ADK: variants seen among roughly 807,000 people sequenced by gnomAD.
ADK encodes N6,N6-dimethyladenosine kinase.
In ADK, 24 loss-of-function variants were observed where a neutral mutation model predicts 44.7. The ratio of observed to expected loss-of-function variants is 0.54; its 90% CI spans 0.39 to 0.76. The LOEUF (loss-of-function observed/expected upper bound fraction) is 0.76. Ranked by LOEUF, ADK falls within the 30% of genes least tolerant of loss-of-function variation. The probability of loss-of-function intolerance (pLI) is 0.00; values close to 1 mark genes in which losing one functional copy is unlikely to be tolerated. For missense variants in ADK, 321 were observed against 425.1 expected, an observed-to-expected ratio of 0.76 and a Z score of 2.15; for synonymous variants, 128 against 142.6, an observed-to-expected ratio of 0.90 and a Z score of 0.73.
intron 4 of ADK, among the ~76,000 whole-genome samples, chr10:74,357,993 A>G (rs1842202526): frequency 6.6e-6 from 1 of 152,226 alleles, no homozygotes; most frequent in African/African-American, 2.4e-5. Context: ...TAAAAACTCC[A>G]TTTAATAATG....
intron 9 of ADK, among the ~76,000 whole-genome samples, chr10:74,660,651 GC>G (rs1246388340): frequency 1.4e-5 from 2 of 147,858 alleles, no homozygotes; most frequent in African/African-American, 5.0e-5. Flanking sequence ...GATCACTTGA[GC>G]CAGGGAAGTT....
chr10:74,637,100 A>T (rs1853644611), intron 9 of ADK, among the ~76,000 whole-genome samples: 1 of 152,168 alleles, frequency 6.6e-6, no homozygotes, highest in African/African-American at 2.4e-5. Flanking sequence ...ATAATGATAA[A>T]CCCAATAGTA....
At chr10:74,247,224 G>GTTTTTTT (rs142274121) in intron 3 of ADK, among the ~76,000 whole-genome samples, 55 of 72,006 alleles carry the variant, frequency 7.6e-4, no homozygotes, top group East Asian at 1.4e-3. Flanking sequence ...TTTTTTTTAA[G>GTTTTTTT]TTTTTTTTTT....
chr10:74,552,069 TG>T (rs1850054168), intron 7 of ADK, among the ~76,000 whole-genome samples: 1 of 152,080 alleles, frequency 6.6e-6, no homozygotes, highest in South Asian at 2.1e-4. Context: ...AGTTCATAGT[TG>T]GTTGAATGTG....
At chr10:74,468,645 C>A (rs1012774368) in intron 6 of ADK, among the ~76,000 whole-genome samples, 2 of 152,116 alleles carry the variant, frequency 1.3e-5, no homozygotes, top group Non-Finnish European at 2.9e-5. Flanking sequence ...GCCTACAGTT[C>A]TCCTCTTCTG....
At chr10:74,601,158 C>A (rs944873859) in intron 9 of ADK, among the ~76,000 whole-genome samples, 3 of 151,674 alleles carry the variant, frequency 2.0e-5, no homozygotes, top group Non-Finnish European at 4.4e-5. Context: ...AAAATAGGAA[C>A]CTTAAAGATC....
chr10:74,255,080 G>T (rs1329814951), intron 3 of ADK, among the ~76,000 whole-genome samples: 1 of 152,082 alleles, frequency 6.6e-6, no homozygotes, highest in African/African-American at 2.4e-5. Context: ...GAGGAAAAAA[G>T]GACAGCTTTA....
At chr10:74,538,514 G>GT (rs1348623566) in intron 7 of ADK, among the ~76,000 whole-genome samples, 1 of 152,174 alleles carries the variant, frequency 6.6e-6, no homozygotes, top group Non-Finnish European at 1.5e-5. Context: ...TGTTGTGGTT[G>GT]TTTTTTGTTG....
At chr10:74,240,446 T>A (rs910497930) in intron 3 of ADK, among the ~76,000 whole-genome samples, 1 of 151,384 alleles carries the variant, frequency 6.6e-6, no homozygotes, top group African/African-American at 2.4e-5. Context: ...ATGCTGAAAT[T>A]TTCCCTTTAA....
chr10:74,533,828 T>G (rs1849369541), intron 7 of ADK, among the ~76,000 whole-genome samples: 2 of 152,176 alleles, frequency 1.3e-5, no homozygotes, highest in African/African-American at 4.8e-5. Flanking sequence ...CATACACAGG[T>G]GTTTATAGCA....
chr10:74,153,114 CTT>C (rs943585740), intron 1 of ADK, among the ~76,000 whole-genome samples: 11 of 152,134 alleles, frequency 7.2e-5, no homozygotes, highest in East Asian at 3.8e-4. Flanking sequence ...ATTATAAAGA[CTT>C]TGCATAATTT....
At chr10:74,344,395 T>G (rs1301959705) in intron 4 of ADK, among the ~76,000 whole-genome samples, 1 of 152,202 alleles carries the variant, frequency 6.6e-6, no homozygotes, top group Non-Finnish European at 1.5e-5. Context: ...TCCCGGTAAA[T>G]AGGAATAATC....
chr10:74,372,020 A>G (rs1372169765), intron 4 of ADK: 6 of 775,094 alleles, frequency 7.7e-6, no homozygotes, highest in African/African-American at 1.7e-5. Flanking sequence ...TTGCCATTCT[A>G]TGCAACAATA....
Position 74,595,397 on chromosome 10 carries a change from AGGGGGTT to A in ADK, c.763-4981_763-4975del, listed in dbSNP as rs1564810299. 3.3e-3 allele frequency among the ~76,000 whole-genome samples: 4 copies of A among 1,196 alleles called. 1 individual carries two copies. Among genetic ancestry groups the A allele is most frequent in the Non-Finnish European group, 4.2e-3 (2 of 480 alleles). 0.8% of individuals were successfully genotyped at this position (1,196 alleles called of 152,430 possible). ...TTTTTTTTTTTTTTTTTTTTTGGGGAGGGGGTTTGGCTTTGTCACGCCAGGCTGGAGT... is the reference window on the plus strand; with the variant it reads ...TTTTTTTTTTTTTTTTTTTTTGGGGATGGCTTTGTCACGCCAGGCTGGAGT... On this transcript the variant is annotated intron_variant, in intron 8 of 10. Coordinates refer to ENST00000539909, the MANE Select transcript of ADK (RefSeq NM_006721.4).
At chr10:74,453,986 T>TA (rs1446689497) in intron 6 of ADK, among the ~76,000 whole-genome samples, 1 of 152,168 alleles carries the variant, frequency 6.6e-6, no homozygotes, top group Non-Finnish European at 1.5e-5. Context: ...ATTAACATCT[T>TA]AAAGTTTTCT....
At chr10:74,388,781 T>C (rs1188326142) in intron 4 of ADK, among the ~76,000 whole-genome samples, 2 of 152,202 alleles carry the variant, frequency 1.3e-5, no homozygotes, top group Non-Finnish European at 2.9e-5. Flanking sequence ...CATATATTCC[T>C]TAAACATGCA....
At chr10:74,278,366 T>TAAAAA (rs56769018) in intron 3 of ADK, among the ~76,000 whole-genome samples, 2 of 113,920 alleles carry the variant, frequency 1.8e-5, no homozygotes, top group African/African-American at 3.2e-5. Flanking sequence ...AAAAAAAAAT[T>TAAAAA]AAAAAAAAAA....
intron 5 of ADK, among the ~76,000 whole-genome samples, chr10:74,396,591 A>G (rs1843517135): frequency 6.6e-6 from 1 of 152,188 alleles, no homozygotes. Flanking sequence ...TGGGTAATGC[A>G]GTATCTTTCT....
rs1554864802 is a variant in ADK at position 74,474,515 on chromosome 10, C to CCTTCCCTTTCTTTCCTTT, written c.556-50737_556-50720dup. 2.5e-4 allele frequency among the ~76,000 whole-genome samples: 38 copies of CCTTCCCTTTCTTTCCTTT among 150,270 alleles called. 1 individual carries two copies. Among genetic ancestry groups the CCTTCCCTTTCTTTCCTTT allele is most frequent in the Admixed American group, 2.5e-3 (37 of 14,962 alleles). Reference sequence around the variant, plus strand: ...CCTTTCCTCTCCTTTCCTTCCCTTCCCTTCCCTTTCTTTCCTTTCTTTCCT... The same window carrying CCTTCCCTTTCTTTCCTTT: ...CCTTTCCTCTCCTTTCCTTCCCTTCCCTTCCCTTTCTTTCCTTTCTTCCCTTTCTTTCCTTTCTTTCCT... On this transcript the variant is annotated intron_variant, in intron 6 of 10. Transcript: ENST00000539909.
Sources: gnomAD v4.1 joint callset for allele counts (sites outside exome capture counted in the v4.1 genomes callset) on GRCh38, gnomAD v4.1.1 for gene constraint, MANE v1.5 for transcripts, NCBI Gene and HGNC (gene_info 2026-07-23, HGNC 2026-07-21) for gene names.